Variants in FRMD4B observed in about 807,000 individuals in gnomAD.
FRMD4B encodes the protein FERM domain containing 4B.
FRMD4B carries 74 observed loss-of-function variants against 141.5 expected under a neutral mutation model. The ratio of observed to expected loss-of-function variants is 0.52; its 90% confidence interval spans 0.43 to 0.63. The LOEUF is 0.63. Ranked by LOEUF, FRMD4B falls within the 30% of genes least tolerant of loss-of-function variation. FRMD4B has a pLI of 0.00. For missense variants in FRMD4B, 1,366 were observed against 1,253.4 expected (o/e 1.09, Z -1.36); for synonymous variants, 506 against 467.9 (o/e 1.08, Z -1.05).
intron 1 of FRMD4B, among the ~76,000 whole-genome samples, chr3:69,486,105 T>C (rs996966074): frequency 6.6e-5 from 10 of 152,248 alleles, no homozygotes; most frequent in African/African-American, 1.4e-4. Context: ...GTAGTTGCCA[T>C]GTTGGGCATA....
intron 22 of FRMD4B, among the ~76,000 whole-genome samples, chr3:69,175,998 T>C (rs1056926133): frequency 6.6e-6 from 1 of 152,012 alleles, no homozygotes; most frequent in Non-Finnish European, 1.5e-5. Context: ...GCCAGGATGG[T>C]CTCGATCTCC....
At chr3:69,342,100 C>A (rs896048572) in intron 1 of FRMD4B, among the ~76,000 whole-genome samples, 1 of 152,136 alleles carries the variant, frequency 6.6e-6, no homozygotes, top group African/African-American at 2.4e-5. Flanking sequence ...ACACTTCCCC[C>A]CACAAATATA....
intron 19 of FRMD4B, among the ~76,000 whole-genome samples, chr3:69,186,734 T>C (rs2092771706): frequency 6.6e-6 from 1 of 152,178 alleles, no homozygotes; most frequent in South Asian, 2.1e-4. Flanking sequence ...AGATGGGGCT[T>C]CATTAGGTTG....
intron 1 of FRMD4B, among the ~76,000 whole-genome samples, chr3:69,451,130 G>T (rs1453360177): frequency 6.6e-6 from 1 of 152,168 alleles, no homozygotes. Context: ...GGGCCCCAGG[G>T]ACCTTTCCAC....
chr3:69,185,032 G>A (rs771251973), intron 19 of FRMD4B, among the ~76,000 whole-genome samples: 8 of 152,096 alleles, frequency 5.3e-5, no homozygotes, highest in African/African-American at 1.9e-4. Flanking sequence ...GACCTGGCGC[G>A]GTGGCTCATG....
chr3:69,230,367 C>T (rs565896031), intron 7 of FRMD4B, among the ~76,000 whole-genome samples: 1 of 152,116 alleles, frequency 6.6e-6, no homozygotes, highest in Non-Finnish European at 1.5e-5. Flanking sequence ...GAGTGTCAAT[C>T]GGTACAATCA....
intron 2 of FRMD4B, among the ~76,000 whole-genome samples, chr3:69,405,601 A>G (rs1192982320): frequency 6.6e-6 from 1 of 152,218 alleles, no homozygotes; most frequent in Non-Finnish European, 1.5e-5. Flanking sequence ...TGGGCAGCAG[A>G]AGCAGCCGAT....
intron 21 of FRMD4B, among the ~76,000 whole-genome samples, chr3:69,180,174 T>C (rs1313056637): frequency 1.3e-5 from 2 of 148,844 alleles, no homozygotes; most frequent in African/African-American, 2.5e-5. Flanking sequence ...GGCAGGAGGG[T>C]TGCTTGAGGC....
chr3:69,409,500 G>C (rs1378144112), intron 2 of FRMD4B, among the ~76,000 whole-genome samples: 1 of 152,162 alleles, frequency 6.6e-6, no homozygotes, highest in East Asian at 1.9e-4. Context: ...GGACTGCCAA[G>C]GGGTTGGCCA....
chr3:69,329,516 A>ATTTTG (rs1702296965), intron 1 of FRMD4B, among the ~76,000 whole-genome samples: 16 of 55,558 alleles, frequency 2.9e-4, no homozygotes, highest in African/African-American at 8.2e-4. Context: ...TGCCCAGCTA[A>ATTTTG]TTTTTTTTTT....
intron 1 of FRMD4B, among the ~76,000 whole-genome samples, chr3:69,453,418 G>A (rs1705530455): frequency 6.6e-6 from 1 of 152,194 alleles, no homozygotes; most frequent in African/African-American, 2.4e-5. Context: ...TTGGCACCGT[G>A]CATAGCGCCG....
At chr3:69,269,376 G>A (rs2093583909) in intron 5 of FRMD4B, among the ~76,000 whole-genome samples, 1 of 151,886 alleles carries the variant, frequency 6.6e-6, no homozygotes, top group Non-Finnish European at 1.5e-5. Context: ...AGGAGGTAAT[G>A]TTATCACCCT....
chr3:69,456,411 C>A (rs1705615433), intron 1 of FRMD4B, among the ~76,000 whole-genome samples: 3 of 152,136 alleles, frequency 2.0e-5, no homozygotes, highest in Admixed American at 6.5e-5. Flanking sequence ...GATGGTTTTT[C>A]ATAAAGCCTT....
intron 1 of FRMD4B, among the ~76,000 whole-genome samples, chr3:69,342,318 G>T (rs1702766829): frequency 6.6e-6 from 1 of 152,202 alleles, no homozygotes; most frequent in South Asian, 2.1e-4. Flanking sequence ...CAGACAAAGT[G>T]CAGAGTCAAG....
intron 19 of FRMD4B, among the ~76,000 whole-genome samples, chr3:69,185,076 G>A (rs956575089): frequency 1.3e-5 from 2 of 152,070 alleles, no homozygotes; most frequent in Non-Finnish European, 2.9e-5. Context: ...GGCCGAGGTG[G>A]GTGGATCACG....
intron 11 of FRMD4B, chr3:69,200,880 T>C: frequency 2.2e-6 from 1 of 458,266 alleles, no homozygotes; most frequent in Non-Finnish European, 4.4e-6. Context: ...TTGCGTCCAT[T>C]CCCACACACA....
intron 1 of FRMD4B, among the ~76,000 whole-genome samples, chr3:69,326,820 A>G (rs1702206603): frequency 6.6e-6 from 1 of 152,252 alleles, no homozygotes; most frequent in South Asian, 2.1e-4. Context: ...GTTAGGCACC[A>G]AGAAGAGACT....
intron 3 of FRMD4B, among the ~76,000 whole-genome samples, chr3:69,302,879 C>T (rs902491836): frequency 2.0e-5 from 3 of 152,046 alleles, no homozygotes; most frequent in Non-Finnish European, 4.4e-5. Context: ...TTGAGACCAG[C>T]CTGGCTAACA....
chr3:69,500,522 A>G (rs1048050252), intron 1 of FRMD4B, among the ~76,000 whole-genome samples: 1 of 152,016 alleles, frequency 6.6e-6, no homozygotes, highest in Non-Finnish European at 1.5e-5. Context: ...TAATGAAGAA[A>G]CTACTTGCAG....
Sources: gnomAD v4.1 joint callset for allele counts (sites outside exome capture counted in the v4.1 genomes callset) on GRCh38, gnomAD v4.1.1 for gene constraint, MANE v1.5 for transcripts, NCBI Gene and HGNC (gene_info 2026-07-23, HGNC 2026-07-21) for gene names.